Variants in LRRC40 observed in about 807,000 individuals in gnomAD.
The protein encoded by LRRC40 is leucine rich repeat containing 40, also known as leucine-rich repeat-containing protein 40.
In LRRC40, 76 loss-of-function variants were observed where a neutral mutation model predicts 72.8. That is an observed-to-expected ratio of 1.04 (90% CI 0.87 to 1.26). LRRC40 has a LOEUF of 1.26. Ranked by LOEUF, LRRC40 falls within the 50% of genes most tolerant of loss-of-function variation. The pLI is 0.00. For missense variants in LRRC40, 684 were observed against 698.9 expected (o/e 0.98, Z 0.24); for synonymous variants, 243 against 254.2 (o/e 0.96, Z 0.42).
chr1:70,163,001 A>G (rs890686577), intron 9 of LRRC40, among the ~76,000 whole-genome samples: 1 of 152,194 alleles, frequency 6.6e-6, no homozygotes, highest in South Asian at 2.1e-4. Flanking sequence ...TGTAGTTCAC[A>G]AGTCTGCAAT....
At chr1:70,190,638 T>C (rs1001610421) in intron 1 of LRRC40, among the ~76,000 whole-genome samples, 2 of 112,456 alleles carry the variant, frequency 1.8e-5, no homozygotes, top group African/African-American at 3.7e-5. Flanking sequence ...GATCACGTCA[T>C]AGAACTCCAG....
chr1:70,187,838 G>GGAAGAGAAGA (rs60796937), intron 2 of LRRC40, among the ~76,000 whole-genome samples: 11,637 of 123,688 alleles, frequency 0.094, 918 homozygotes, highest in African/African-American at 0.16. Context: ...CTCAAAAAAT[G>GGAAGAGAAGA]GAAGAGAAGA....
chr1:70,186,740 A>T (rs1424747767), intron 3 of LRRC40, among the ~76,000 whole-genome samples: 1 of 152,212 alleles, frequency 6.6e-6, no homozygotes, highest in African/African-American at 2.4e-5. Context: ...GAGCAAACAG[A>T]GTTAGCTACA....
chr1:70,167,891 A>G (rs1433890011), intron 9 of LRRC40, among the ~76,000 whole-genome samples: 1 of 152,214 alleles, frequency 6.6e-6, no homozygotes, highest in East Asian at 1.9e-4. Context: ...CTGGGATTAT[A>G]GGCGTGAGCC....
intron 7 of LRRC40, 120 bp downstream of exon 7, chr1:70,175,690 C>G: frequency 1.5e-6 from 1 of 678,902 alleles, no homozygotes; most frequent in Non-Finnish European, 2.4e-6. Context: ...ACTGCTCAAT[C>G]AATATTTAGT....
intron 9 of LRRC40, among the ~76,000 whole-genome samples, chr1:70,161,818 AACATT>A (rs1174911143): frequency 1.3e-5 from 2 of 152,172 alleles, no homozygotes; most frequent in Non-Finnish European, 2.9e-5. Flanking sequence ...TTCATTCTAT[AACATT>A]ATCCATCACA....
Position 70,171,378 on chromosome 1 carries a change from GAAC to G in LRRC40, c.1111+2084_1111+2086del, listed in dbSNP as rs372130539. Among the ~76,000 whole-genome samples the G allele has an allele frequency of 3.8e-3, 564 of 148,978 alleles. 3 individuals are homozygous for G. The highest frequency in any genetic ancestry group is 0.013 in the African/African-American group (536 of 40,644). The stretch of plus-strand genomic sequence containing the variant: ...AAAATTAAAACTTTTATACTTCAAA[GAAC>G]AACATCAAGAAAATGAAAAGACAAC... On this transcript the variant is annotated intron_variant, in intron 9 of 14. Coordinates refer to ENST00000370952, the MANE Select transcript of LRRC40 (RefSeq NM_017768.5).
intron 3 of LRRC40, among the ~76,000 whole-genome samples, chr1:70,185,882 C>T (rs553476023): frequency 6.6e-6 from 1 of 152,210 alleles, no homozygotes; most frequent in South Asian, 2.1e-4. Flanking sequence ...AACTAGTTCC[C>T]AGGTTTATCA....
At chr1:70,148,068 A>G (rs1320408774) in intron 14 of LRRC40, 1 of 151,880 alleles carries the variant, frequency 6.6e-6, no homozygotes, top group African/African-American at 2.4e-5. Flanking sequence ...CTGAGGGAAC[A>G]GCAGATGTAA....
rs781165982 is a variant in LRRC40, at chr1:70,173,480, G to C, written c.1096C>G (p.Arg366Gly). Residue 366 changes from arginine (R) to glycine (G), a missense_variant, in exon 9 of 15, where the codon CGA becomes GGA. Transcript: ENST00000370952. ...KGTQEVLKYL[R>G]SKIKDDGPSQ... Reference sequence around the variant, plus strand: ...TTTAAAGTACCTTTGATCTTGCTTCGTAGATATTTTAGGACTTCTTGTGTT... The same window carrying C: ...TTTAAAGTACCTTTGATCTTGCTTCCTAGATATTTTAGGACTTCTTGTGTT... 1 of 1,605,544 alleles carries C rather than the reference G, an allele frequency of 6.2e-7. No homozygotes were observed. The highest frequency in any genetic ancestry group is 8.5e-7 in the Non-Finnish European group (1 of 1,173,104).
At chr1:70,162,888 G>A (rs748448813) in intron 9 of LRRC40, among the ~76,000 whole-genome samples, 1 of 152,006 alleles carries the variant, frequency 6.6e-6, no homozygotes, top group Non-Finnish European at 1.5e-5. Context: ...ATAATTTACT[G>A]GCATAAATTA....
intron 11 of LRRC40, 133 bp from the exon 12 acceptor site, chr1:70,152,676 T>A: frequency 1.6e-6 from 1 of 633,544 alleles, no homozygotes. Context: ...TTTTACTTTT[T>A]CACAGGAACA....
chr1:70,189,626 T>C (rs1388908493), intron 1 of LRRC40, among the ~76,000 whole-genome samples: 1 of 152,146 alleles, frequency 6.6e-6, no homozygotes, highest in Non-Finnish European at 1.5e-5. Context: ...AACAGATTAA[T>C]AGAGAAGGCA....
intron 1 of LRRC40, among the ~76,000 whole-genome samples, chr1:70,193,769 T>C (rs2100340695): frequency 6.6e-6 from 1 of 152,020 alleles, no homozygotes; most frequent in South Asian, 2.1e-4. Context: ...CCAGTGCGAG[T>C]TATCTTAGGA....
In LRRC40 at chr1:70,184,910, T is replaced by C. The variant is rs1267347493; in HGVS notation, c.412A>G (p.Asn138Asp). 8 of 1,596,536 alleles carry C rather than the reference T, an allele frequency of 5.0e-6. No individual in the cohort carries two copies. The change falls in exon 4 of 15, where the codon AAT (asparagine) becomes GAT (aspartate). Residue 138 changes from asparagine (N) to aspartate (D), a missense_variant. Transcript: ENST00000370952. ...TCTTCAGGGAGTATTTTCAGTTTAT[T>C]ATGGCTATTGGTTGATAAAATAAAT... ...ENLQKLNVSH[N>D]KLKILPEEIT...
At chr1:70,161,407 T>C (rs1171720864) in intron 9 of LRRC40, among the ~76,000 whole-genome samples, 4 of 151,278 alleles carry the variant, frequency 2.6e-5, no homozygotes, top group Non-Finnish European at 5.9e-5. Context: ...TTTAAGAAAT[T>C]TTTGGCCGGT....
At chr1:70,171,516 T>C (rs561390497) in intron 9 of LRRC40, among the ~76,000 whole-genome samples, 3 of 151,870 alleles carry the variant, frequency 2.0e-5, no homozygotes, top group African/African-American at 7.2e-5. Flanking sequence ...AATTAAAAAA[T>C]AGACAAAGAA....
chr1:70,173,599 A>T, intron 8 of LRRC40, 23 bp downstream of exon 8: 1 of 1,506,612 alleles, frequency 6.6e-7, no homozygotes, highest in Non-Finnish European at 9.2e-7. Context: ...TTTAACAAAG[A>T]GCTGAATTCC....
At chr1:70,202,857 A>G (rs907959971) in intron 1 of LRRC40, among the ~76,000 whole-genome samples, 3 of 152,100 alleles carry the variant, frequency 2.0e-5, no homozygotes, top group African/African-American at 7.2e-5. Flanking sequence ...ATTTTAAAGT[A>G]TGGTTGTTTG....
Sources: gnomAD v4.1 joint callset for allele counts (sites outside exome capture counted in the v4.1 genomes callset) on GRCh38, gnomAD v4.1.1 for gene constraint, MANE v1.5 for transcripts, NCBI Gene and HGNC (gene_info 2026-07-23, HGNC 2026-07-21) for gene names.